SPMIP2: variants seen among roughly 807,000 people sequenced by gnomAD.
The protein encoded by SPMIP2 is sperm microtubule inner protein 2, also known as protein SPMIP2.
the SPMIP2 span, among the ~76,000 whole-genome samples, chr4:159,065,722 C>T: frequency 2.6e-5 from 4 of 152,262 alleles, no homozygotes; most frequent in African/African-American, 9.6e-5. Context: ...GTTAAATATG[C>T]CACATACATA....
At chr4:159,021,214 T>C in the SPMIP2 span, among the ~76,000 whole-genome samples, 94 of 152,340 alleles carry the variant, frequency 6.2e-4, no homozygotes, top group African/African-American at 2.0e-3. Flanking sequence ...CTAGATGTTA[T>C]GAATAAATCT....
At chr4:158,970,298 T>C in the SPMIP2 span, among the ~76,000 whole-genome samples, 5 of 152,144 alleles carry the variant, frequency 3.3e-5, no homozygotes, top group Non-Finnish European at 7.4e-5. Context: ...CCCAGCACAT[T>C]GGGAGGCCGA....
the SPMIP2 span, among the ~76,000 whole-genome samples, chr4:159,006,902 G>C: frequency 6.6e-6 from 1 of 152,192 alleles, no homozygotes; most frequent in African/African-American, 2.4e-5. Context: ...CCCTTTGAGA[G>C]GCAAAGCTCA....
At chr4:159,033,301 G>A in the SPMIP2 span, among the ~76,000 whole-genome samples, 1 of 152,024 alleles carries the variant, frequency 6.6e-6, no homozygotes, top group Non-Finnish European at 1.5e-5. Context: ...GGGGGAAAGG[G>A]GGAGGGGGGA....
chr4:158,987,541 A>T, the SPMIP2 span, among the ~76,000 whole-genome samples: 1 of 151,964 alleles, frequency 6.6e-6, no homozygotes, highest in African/African-American at 2.4e-5. Flanking sequence ...GACAAACCAA[A>T]CACCGCATGT....
the SPMIP2 span, among the ~76,000 whole-genome samples, chr4:159,006,309 A>C: frequency 6.6e-6 from 1 of 152,202 alleles, no homozygotes; most frequent in Non-Finnish European, 1.5e-5. Context: ...GCAGTATAGA[A>C]GGGTCATTCA....
chr4:158,925,044 CAG>C, the SPMIP2 span, among the ~76,000 whole-genome samples: 9 of 152,134 alleles, frequency 5.9e-5, no homozygotes, highest in African/African-American at 2.2e-4. Context: ...GCTTTGGTAA[CAG>C]AGTAATAAAT....
chr4:158,990,167 C>T, the SPMIP2 span, among the ~76,000 whole-genome samples: 1 of 152,216 alleles, frequency 6.6e-6, no homozygotes, highest in Non-Finnish European at 1.5e-5. Context: ...CAAATCAAAA[C>T]CTCAATTAGA....
the SPMIP2 span, among the ~76,000 whole-genome samples, chr4:158,932,107 G>A: frequency 6.6e-6 from 1 of 152,022 alleles, no homozygotes; most frequent in Non-Finnish European, 1.5e-5. Flanking sequence ...CTGGCTTCAG[G>A]TAGAAATACC....
the SPMIP2 span, chr4:159,007,475 C>T: frequency 1.4e-6 from 1 of 712,562 alleles, no homozygotes. Context: ...GAAATGCATT[C>T]TAGTGATCAC....
chr4:159,042,253 G>C, the SPMIP2 span, among the ~76,000 whole-genome samples: 1 of 152,186 alleles, frequency 6.6e-6, no homozygotes, highest in Admixed American at 6.5e-5. Flanking sequence ...ACCAGCTCAA[G>C]TCTCTGGAGG....
the SPMIP2 span, among the ~76,000 whole-genome samples, chr4:159,023,010 C>T: frequency 6.6e-6 from 1 of 150,888 alleles, no homozygotes; most frequent in East Asian, 2.0e-4. Context: ...AGCTTGGCGA[C>T]AGAGCGAGAC....
At chr4:158,977,770 A>G in the SPMIP2 span, among the ~76,000 whole-genome samples, 1 of 151,460 alleles carries the variant, frequency 6.6e-6, no homozygotes, top group Non-Finnish European at 1.5e-5. Flanking sequence ...GCCCGCCACC[A>G]CGCCCAGCTA....
the SPMIP2 span, among the ~76,000 whole-genome samples, chr4:158,901,625 C>T: frequency 6.6e-6 from 1 of 152,048 alleles, no homozygotes; most frequent in African/African-American, 2.4e-5. Context: ...TCAGGTATAC[C>T]AATCAAACGT....
At chr4:158,935,916 T>C in the SPMIP2 span, among the ~76,000 whole-genome samples, 3 of 152,240 alleles carry the variant, frequency 2.0e-5, no homozygotes, top group Non-Finnish European at 2.9e-5. Flanking sequence ...GCTGGGTCTT[T>C]GGTCTTCCAC....
the SPMIP2 span, chr4:159,038,697 T>C: frequency 6.6e-6 from 1 of 152,426 alleles, no homozygotes; most frequent in Non-Finnish European, 1.5e-5. Context: ...CAGGGTTTCC[T>C]TGAGGCAGCG....
chr4:159,066,862 T>G, the SPMIP2 span, among the ~76,000 whole-genome samples: 55 of 152,298 alleles, frequency 3.6e-4, no homozygotes, highest in African/African-American at 1.3e-3. Context: ...CTGTTATAGC[T>G]ATTCAGCGCT....
the SPMIP2 span, among the ~76,000 whole-genome samples, chr4:158,960,559 G>A: frequency 5.3e-5 from 8 of 152,218 alleles, no homozygotes; most frequent in East Asian, 1.9e-4. Context: ...GACCCTATGC[G>A]CTTTACTTTC....
the SPMIP2 span, among the ~76,000 whole-genome samples, chr4:159,025,357 G>T: frequency 1.3e-5 from 2 of 152,122 alleles, no homozygotes; most frequent in African/African-American, 4.8e-5. Flanking sequence ...CAGAGACGAG[G>T]TTTCACCATG....
Sources: allele counts gnomAD v4.1 joint callset (sites outside exome capture counted in the v4.1 genomes callset), GRCh38; gene constraint gnomAD v4.1.1; transcripts MANE v1.5; gene names NCBI Gene and HGNC (gene_info 2026-07-23, HGNC 2026-07-21).